The following VPS35 variants were observed in gnomAD, a reference collection of about 807,000 sequenced individuals.
VPS35 encodes the protein vacuolar protein sorting-associated protein 35.
In VPS35, 21 loss-of-function variants were observed where a neutral mutation model predicts 98.1. That is an observed-to-expected ratio of 0.21 (90% CI 0.15 to 0.31). The LOEUF (loss-of-function observed/expected upper bound fraction) is 0.31. Ranked by LOEUF, VPS35 falls within the 10% of genes least tolerant of loss-of-function variation. The probability of loss-of-function intolerance (pLI) is 1.00; values close to 1 mark genes in which losing one functional copy is unlikely to be tolerated. For synonymous variants in VPS35, 268 were observed against 318.2 expected (o/e 0.84, Z 1.68); for missense variants, 554 against 950.8 (o/e 0.58, Z 5.49).
At chr16:46,688,810 G>A (rs1966368624) in intron 1 of VPS35, 5 of 1,358,772 alleles carry the variant, frequency 3.7e-6, no homozygotes, top group Non-Finnish European at 4.7e-6. Context: ...TCCCCTCGTG[G>A]TAGGCAGGTG....
intron 8 of VPS35, among the ~76,000 whole-genome samples, chr16:46,675,804 T>C (rs570599883): frequency 3.3e-5 from 5 of 152,032 alleles, no homozygotes; most frequent in Non-Finnish European, 7.4e-5. Context: ...GTGGCTCATG[T>C]CTGTAATCCC....
intron 6 of VPS35, 96 bp downstream of exon 6, chr16:46,678,847 T>C (rs1966190470): frequency 3.9e-6 from 5 of 1,291,006 alleles, no homozygotes; most frequent in East Asian, 4.7e-5. Context: ...TAAGATGTTT[T>C]TCAATGTACT....
At position 46,682,108 on chromosome 16, in the gene VPS35, A is replaced by G; in HGVS notation, c.170T>C (p.Met57Thr). Residue 57 changes from methionine (M) to threonine (T), a missense_variant, in exon 3 of 17, where the codon ATG becomes ACG. Transcript: ENST00000299138. ...SNMLGELRTS[M>T]LSPKSYYELY... ...TTCATAGTAACTCTTTGGTGATAAC[A>G]TAGAAGTCCGGAGTTCACCAAGCAT... is the stretch of plus-strand genomic sequence containing the variant. The G allele has an allele frequency of 6.2e-7, 1 of 1,613,506 alleles. No individual in the cohort carries two copies. Among genetic ancestry groups the G allele is most frequent in the Non-Finnish European group, 8.5e-7 (1 of 1,179,530 alleles).
chr16:46,678,583 C>G (rs1170513017), intron 6 of VPS35, among the ~76,000 whole-genome samples: 3 of 152,184 alleles, frequency 2.0e-5, no homozygotes, highest in African/African-American at 7.2e-5. Context: ...ATCATTAATT[C>G]AGGTTGCTTG....
chr16:46,656,885 A>G lies in VPS35; in HGVS notation c.*3587T>C, dbSNP rs1409149434. 1 of 152,378 alleles carries G rather than the reference A, an allele frequency of 6.6e-6. No homozygotes were observed. Among genetic ancestry groups the G allele is most frequent in the Non-Finnish European group, 1.5e-5 (1 of 68,176 alleles). The allele number at this position is 152,378 out of a possible 1,614,324, so 9.4% of individuals were successfully genotyped here. A position where few individuals can be genotyped will look rare whatever the true frequency, so the allele number is the denominator to read the frequency against. ...GCCAGGCATGGTGGTGCACGCCTGT[A>G]ATCCCAGCTACTCGGGAGGCTGAGG... is the stretch of plus-strand genomic sequence containing the variant. On this transcript the variant is annotated 3_prime_UTR_variant, in exon 17 of 17. Coordinates refer to ENST00000299138, the MANE Select transcript of VPS35 (RefSeq NM_018206.6).
chr16:46,683,498 C>T lies in VPS35; in HGVS notation c.102+10G>A, dbSNP rs1326524672. 1 of 1,612,084 alleles carries T rather than the reference C, an allele frequency of 6.2e-7. No individual in the cohort carries two copies. The highest frequency in any genetic ancestry group is 8.5e-7 in the Non-Finnish European group (1 of 1,179,348). ...AACTGCAACTGTGCCTCCCACATCT[C>T]CATTCTTACCAGGCATCTCTTCATT... On this transcript the variant is annotated intron_variant, in intron 2 of 16. Transcript: ENST00000299138.
chr16:46,671,070 A>G (rs776865723), intron 12 of VPS35, among the ~76,000 whole-genome samples: 2 of 152,008 alleles, frequency 1.3e-5, no homozygotes, highest in Non-Finnish European at 2.9e-5. Context: ...TCCATTTCAC[A>G]ATGATTCCCT....
intron 6 of VPS35, chr16:46,677,645 C>T: frequency 2.1e-6 from 1 of 468,232 alleles, no homozygotes; most frequent in African/African-American, 2.0e-5. Flanking sequence ...AAGTCATCCT[C>T]CCACCTCAAG....
At position 46,661,051 on chromosome 16, in the gene VPS35, G is replaced by A. The variant is rs895905660; in HGVS notation, c.2212-400C>T. On this transcript the variant is annotated intron_variant, in intron 16 of 16. Transcript: ENST00000299138. The surrounding 1 kb of genome is among the most constrained non-coding windows in gnomAD (Gnocchi z 4.3). Reference sequence around the variant, plus strand: ...AATACCAGCTATTCAGGAGGCTGAGGCATGAGAATTGCTTGAACCTGGGAG... The same window carrying A: ...AATACCAGCTATTCAGGAGGCTGAGACATGAGAATTGCTTGAACCTGGGAG... 3 of 323,674 alleles carry A rather than the reference G, an allele frequency of 9.3e-6. No homozygotes were observed. The East Asian group carries it at 2.3e-4, about 25-fold the overall frequency. The allele number at this position is 323,674 out of a possible 1,614,324, so 20.1% of individuals were successfully genotyped here. A position where few individuals can be genotyped will look rare whatever the true frequency, so the allele number is the denominator to read the frequency against.
At position 46,683,495 on chromosome 16, in the gene VPS35, T is replaced by A. The variant is rs1281922715; in HGVS notation, c.102+13A>T. On this transcript the variant is annotated intron_variant, in intron 2 of 16. Transcript: ENST00000299138. ...ACGAACTGCAACTGTGCCTCCCACA[T>A]CTCCATTCTTACCAGGCATCTCTTC... 1.2e-6 allele frequency: 2 copies of A among 1,611,398 alleles called. No homozygotes were observed. Among genetic ancestry groups the A allele is most frequent in the African/African-American group, 1.3e-5 (1 of 74,854 alleles).
intron 1 of VPS35, chr16:46,688,763 G>T: frequency 8.1e-7 from 1 of 1,232,662 alleles, no homozygotes; most frequent in Non-Finnish European, 1.0e-6. Flanking sequence ...GCCTCCACGC[G>T]CCCCGGGGGC....
intron 1 of VPS35, 109 bp downstream of exon 1, chr16:46,689,022 C>T: frequency 6.4e-7 from 1 of 1,556,206 alleles, no homozygotes; most frequent in Non-Finnish European, 8.7e-7. Flanking sequence ...GTCTTAATCC[C>T]GAACGGTCTG....
intron 12 of VPS35, 127 bp from the exon 13 acceptor site, chr16:46,669,179 AGG>A: frequency 9.8e-6 from 12 of 1,220,070 alleles, no homozygotes; most frequent in Non-Finnish European, 1.3e-5. Context: ...ACTTTATGGT[AGG>A]CAATTTACAT....
At chr16:46,671,432 A>AT (rs1213619940) in intron 12 of VPS35, among the ~76,000 whole-genome samples, 1 of 152,136 alleles carries the variant, frequency 6.6e-6, no homozygotes, top group Non-Finnish European at 1.5e-5. Context: ...TTTACAAACA[A>AT]TTATGTGTTT....
intron 6 of VPS35, among the ~76,000 whole-genome samples, chr16:46,678,334 A>G (rs962960947): frequency 1.6e-4 from 20 of 124,514 alleles, no homozygotes; most frequent in Non-Finnish European, 3.3e-4. Context: ...AAAAAAAAAA[A>G]GCAAAAAATC....
intron 13 of VPS35, among the ~76,000 whole-genome samples, chr16:46,664,265 T>G (rs1379146447): frequency 1.3e-5 from 2 of 152,058 alleles, no homozygotes; most frequent in African/African-American, 4.8e-5. Flanking sequence ...TTCAAACCAT[T>G]CTTCTGCCTC....
In VPS35 at chr16:46,661,996, C is replaced by A; in HGVS notation, c.2068-135G>T. On this transcript the variant is annotated intron_variant, in intron 15 of 16. Coordinates refer to ENST00000299138, the MANE Select transcript of VPS35 (RefSeq NM_018206.6). The surrounding 1 kb of genome is among the most constrained non-coding windows in gnomAD (Gnocchi z 4.3). The stretch of plus-strand genomic sequence containing the variant: ...AATTTAAATCCTTTTCATTCTCCTT[C>A]TTCTTGTTTTGAAGTATACAGCTGT... The A allele has an allele frequency of 4.3e-6, 6 of 1,388,036 alleles. No individual in the cohort carries two copies. Among genetic ancestry groups the A allele is most frequent in the Non-Finnish European group, 5.0e-6 (5 of 1,007,928 alleles). The allele number at this position is 1,388,036 out of a possible 1,614,324, so 86.0% of individuals were successfully genotyped here.
chr16:46,683,145 C>A, intron 2 of VPS35: 1 of 252,508 alleles, frequency 4.0e-6, no homozygotes, highest in Non-Finnish European at 7.7e-6. Context: ...TACTGAGTAC[C>A]TATTATATGT....
Position 46,661,730 on chromosome 16 carries a change from C to A in VPS35, c.2199G>T (p.Lys733Asn). The part of the protein sequence containing the change: ...ILNRYIYFYE[K>N]ENDAVTIQVL... ...CTAATTCACTTACCGCATCATTTTC[C>A]TTTTCATAAAAATAGATATATCTGT... Residue 733 changes from lysine (K) to asparagine (N), a missense_variant, in exon 16 of 17, where the codon AAG (lysine) becomes AAT (asparagine). By Grantham distance (94) the Lys-to-Asn change is moderately conservative (BLOSUM62 0). Coordinates refer to ENST00000299138, the MANE Select transcript of VPS35 (RefSeq NM_018206.6). This position sits in a 1 kb window ranked among gnomAD's most constrained non-coding sequence, Gnocchi z 4.3. The A allele has an allele frequency of 6.2e-7, 1 of 1,609,646 alleles. No homozygotes were observed. The highest frequency in any genetic ancestry group is 8.5e-7 in the Non-Finnish European group (1 of 1,176,116).
Sources: gnomAD v4.1 joint callset for allele counts (sites outside exome capture counted in the v4.1 genomes callset) on GRCh38, gnomAD v4.1.1 for gene constraint, Gnocchi (gnomAD v3.1) non-coding constraint, MANE v1.5 for transcripts, NCBI Gene and HGNC (gene_info 2026-07-23, HGNC 2026-07-21) for gene names.